The following ODAD1 variants were observed in gnomAD, a reference collection of about 807,000 sequenced individuals.
ODAD1 encodes outer dynein arm docking complex subunit 1.
ODAD1 carries 49 observed loss-of-function variants against 67.2 expected under a neutral mutation model. The ratio of observed to expected loss-of-function variants is 0.73; its 90% CI spans 0.58 to 0.92. ODAD1 has a LOEUF of 0.92. ODAD1 is among the 40% of genes least tolerant of loss of function. ODAD1 has a pLI of 0.00. For synonymous variants in ODAD1, 345 were observed against 393.7 expected, an observed-to-expected ratio of 0.88 and a Z score of 1.46; for missense variants, 897 against 953.7, an observed-to-expected ratio of 0.94 and a Z score of 0.78.
In ODAD1 at chr19:48,306,311, G is replaced by A; in HGVS notation, c.610C>T (p.Leu204=). The part of the protein sequence containing the change: ...DRKLKKEIHH[L]HHLVSTLILS... The stretch of plus-strand genomic sequence containing the variant: ...ATAAGGGTGCTGACCAGGTGATGCA[G>A]GTGGTGGATCTCCTGTGGGGGGAGG... Residue 204 remains leucine, a synonymous_variant, in exon 8 of 16, where the codon CTG becomes TTG. Transcript: ENST00000674294. 6.4e-7 allele frequency: 1 copy of A among 1,551,512 alleles called. No homozygotes were observed. The highest frequency in any genetic ancestry group is 8.7e-7 in the Non-Finnish European group (1 of 1,146,862).
chr19:48,303,858 C>T, intron 9 of ODAD1, 74 bp from the exon 10 acceptor site: 10 of 1,573,588 alleles, frequency 6.4e-6, no homozygotes, highest in Middle Eastern at 1.7e-4. Flanking sequence ...TGAGGGGGAG[C>T]GAAGTGTGGT....
In ODAD1 at chr19:48,303,741, C is replaced by T; in HGVS notation, c.897G>A (p.Arg299=). ...AEGVWKTSQE[R]LVLCYEDALN... is the part of the protein sequence containing the mutation. The stretch of plus-strand genomic sequence containing the variant: ...GGGCGTCCTCGTAGCAAAGCACCAG[C>T]CTCTCCTGGGAGGTCTTCCAGACGC... Residue 299 remains arginine (R), a synonymous_variant, in exon 10 of 16, where the codon AGG becomes AGA. Transcript: ENST00000674294. The T allele has an allele frequency of 6.2e-7, 1 of 1,613,844 alleles. No homozygotes were observed. The highest frequency in any genetic ancestry group is 8.5e-7 in the Non-Finnish European group (1 of 1,179,852).
At chr19:48,300,107 G>A (rs994529717) in intron 12 of ODAD1, among the ~76,000 whole-genome samples, 1 of 151,994 alleles carries the variant, frequency 6.6e-6, no homozygotes, top group South Asian at 2.1e-4. Flanking sequence ...AGGAGTTTGA[G>A]ACCAGCCTGC....
intron 1 of ODAD1, 27 bp downstream of exon 1, chr19:48,321,651 A>C (rs546826381): frequency 2.6e-6 from 1 of 382,730 alleles, no homozygotes; most frequent in African/African-American, 2.1e-5. Context: ...GGTCCTGGGG[A>C]GGTCGAGGCT....
rs1451572523 is a variant in ODAD1 at position 48,318,421 on chromosome 19, T to A, written c.326A>T (p.Glu109Val). The A allele has an allele frequency of 1.9e-6, 3 of 1,551,478 alleles. No individual in the cohort carries two copies. Among genetic ancestry groups the A allele is most frequent in the Non-Finnish European group, 2.6e-6 (3 of 1,146,984 alleles). Residue 109 changes from glutamate to valine, a missense_variant, in exon 5 of 16, where the codon GAG (glutamate) becomes GTG (valine). Transcript: ENST00000674294. The stretch of plus-strand genomic sequence containing the variant: ...CAGGGCCCTGGTCTGCTCCTGCAGC[T>A]CCTCGATCTCCGCCTGCACCTGGGC... ...GRAQVQAEIE[E>V]LQEQTRALDK...
At position 48,313,404 on chromosome 19, in the gene ODAD1, G is replaced by C. The variant is rs113930668; in HGVS notation, c.361-1288C>G. ...ATTGTGCCACTGCACTCCAGCCTGG[G>C]GAACAGAACAAGACTCCATCTCAAA... On this transcript the variant is annotated intron_variant, in intron 5 of 15. Coordinates refer to ENST00000674294, the MANE Select transcript of ODAD1 (RefSeq NM_001364171.2). Among the ~76,000 whole-genome samples, 8 of 134,960 alleles carry C rather than the reference G, an allele frequency of 5.9e-5. No individual in the cohort carries two copies. In the South Asian group the frequency reaches 1.9e-3, roughly 31 times the overall value. 88.5% of individuals were successfully genotyped at this position (134,960 alleles called of 152,430 possible). A position where few individuals can be genotyped will look rare whatever the true frequency, so the allele number is the denominator to read the frequency against.
chr19:48,301,981 G>C (rs910260809), intron 12 of ODAD1, among the ~76,000 whole-genome samples: 1 of 151,530 alleles, frequency 6.6e-6, no homozygotes, highest in Non-Finnish European at 1.5e-5. Context: ...TGGAGGTATA[G>C]AACCTGGATG....
intron 10 of ODAD1, chr19:48,303,363 C>G (rs77494976): frequency 5.0e-6 from 3 of 604,734 alleles, no homozygotes; most frequent in Non-Finnish European, 8.8e-6. Context: ...GAGATGCAGG[C>G]GGGGAGAACG....
intron 14 of ODAD1, 102 bp downstream of exon 14, chr19:48,297,898 C>A: frequency 1.0e-6 from 1 of 978,930 alleles, no homozygotes. Flanking sequence ...CCACATCCGC[C>A]AGCCAGTCCC....
intron 12 of ODAD1, among the ~76,000 whole-genome samples, chr19:48,300,801 G>A (rs1968443644): frequency 6.6e-6 from 1 of 152,128 alleles, no homozygotes; most frequent in South Asian, 2.1e-4. Flanking sequence ...TTAATAGAGA[G>A]AGTACGGCAC....
Position 48,297,015 on chromosome 19 carries a change from AGTGCTGGAGGCAGGGCCG to A in ODAD1, c.2067_2084del (p.Ala692_Pro697del), listed in dbSNP as rs755466284. On this transcript the variant is annotated inframe_deletion, in exon 16 of 16. Transcript: ENST00000674294. ...CTTTGCTGGTGGAGGAGCCCGGGCC[AGTGCTGGAGGCAGGGCCG>A]GTGCTGGAGACGTGGTCTCTGCTGG... 3.1e-6 allele frequency: 5 copies of A among 1,610,434 alleles called. No individual in the cohort carries two copies. Among genetic ancestry groups the A allele is most frequent in the Admixed American group, 1.7e-5 (1 of 59,918 alleles).
rs1188885967 is a variant in ODAD1 at position 48,305,416 on chromosome 19, T to C, written c.665+840A>G. On this transcript the variant is annotated intron_variant, in intron 8 of 15. Transcript: ENST00000674294. ...TGCTAGATGCGCTTTTTTTTTTTTTTTCTCCTGAGACGGAGTCTCACTCTG... is the reference window on the plus strand; with the variant it reads ...TGCTAGATGCGCTTTTTTTTTTTTTCTCTCCTGAGACGGAGTCTCACTCTG... Among the ~76,000 whole-genome samples the C allele has an allele frequency of 3.9e-5, 6 of 152,038 alleles. No individual in the cohort carries two copies. The East Asian group carries it at 7.8e-4, about 20-fold the overall frequency.
Position 48,297,663 on chromosome 19 carries a change from T to C in ODAD1, c.1508A>G (p.Asp503Gly). The C allele has an allele frequency of 2.7e-6, 4 of 1,508,666 alleles. No homozygotes were observed. Among genetic ancestry groups the C allele is most frequent in the Non-Finnish European group, 3.5e-6 (4 of 1,129,596 alleles). 93.5% of individuals were successfully genotyped at this position (1,508,666 alleles called of 1,614,324 possible). Reference sequence around the variant, plus strand: ...ATCGCTGGCCTCAAAACCCGGGGGGTCTTCTCTGGGGAGGGGAAGGAAAAT... The same window carrying C: ...ATCGCTGGCCTCAAAACCCGGGGGGCCTTCTCTGGGGAGGGGAAGGAAAAT... ...APLQPPDTLE[D>G]PPGFEASDDY... The change falls in exon 15 of 16, where the codon GAC becomes GGC. Residue 503 changes from aspartate (D) to glycine (G), a missense_variant. Physicochemically the swap from Asp to Gly is moderately conservative, Grantham distance 94. Transcript: ENST00000674294.
chr19:48,296,972 C>T lies in ODAD1; in HGVS notation c.*4G>A, dbSNP rs377219768. On this transcript the variant is annotated 3_prime_UTR_variant, in exon 16 of 16. Transcript: ENST00000674294. ...GGCAGGGTGGGGGCTGCGTGCCCCT[C>T]GTGTTAGCCCCGGGAGTCTTTGCTG... The T allele has an allele frequency of 1.2e-5, 19 of 1,586,880 alleles. No individual in the cohort carries two copies. In the East Asian group the frequency reaches 1.3e-4, roughly 11 times the overall value.
At chr19:48,311,739 G>A in intron 6 of ODAD1, 73 bp from the exon 7 acceptor site, 1 of 958,652 alleles carries the variant, frequency 1.0e-6, no homozygotes, top group Non-Finnish European at 1.6e-6. Flanking sequence ...CTCAGCCAAG[G>A]AGGAGACACT....
intron 8 of ODAD1, among the ~76,000 whole-genome samples, chr19:48,305,343 A>G (rs1968577501): frequency 6.6e-6 from 1 of 151,868 alleles, no homozygotes. Flanking sequence ...ATGCTGACGA[A>G]TAACAAATTC....
At chr19:48,302,643 C>G (rs756939846) in intron 12 of ODAD1, 51 bp downstream of exon 12, 1 of 1,520,368 alleles carries the variant, frequency 6.6e-7, no homozygotes, top group South Asian at 1.2e-5. Flanking sequence ...CTGATGGTGT[C>G]CTTCCAAGTG....
At chr19:48,301,334 TG>T (rs1304913375) in intron 12 of ODAD1, among the ~76,000 whole-genome samples, 1 of 152,166 alleles carries the variant, frequency 6.6e-6, no homozygotes, top group African/African-American at 2.4e-5. Flanking sequence ...GAGATGTACA[TG>T]GATGATCCAT....
intron 7 of ODAD1, among the ~76,000 whole-genome samples, chr19:48,310,078 T>C (rs1408562721): frequency 1.3e-5 from 2 of 151,680 alleles, no homozygotes; most frequent in East Asian, 3.9e-4. Flanking sequence ...CTACTAAAAA[T>C]ACAAAATTAG....
Sources: gnomAD v4.1 joint callset for allele counts (sites outside exome capture counted in the v4.1 genomes callset) on GRCh38, gnomAD v4.1.1 for gene constraint, MANE v1.5 for transcripts, NCBI Gene and HGNC (gene_info 2026-07-23, HGNC 2026-07-21) for gene names.